The following EXOC6B variants were observed in gnomAD, a reference collection of about 807,000 sequenced individuals.
EXOC6B encodes the protein exocyst complex component 6B.
In EXOC6B, 54 loss-of-function variants were observed where a neutral mutation model predicts 113.5. The observed-to-expected ratio is 0.48, with a 90% CI of 0.38 to 0.60. EXOC6B has a LOEUF of 0.60. EXOC6B is among the 20% of genes least tolerant of loss of function. The probability of loss-of-function intolerance (pLI) is 0.00; values close to 1 mark genes in which losing one functional copy is unlikely to be tolerated. For missense variants in EXOC6B, 797 were observed against 977.5 expected (o/e 0.82, Z 2.46); for synonymous variants, 357 against 339.0 (o/e 1.05, Z -0.58).
chr2:72,179,366 A>G lies in EXOC6B; in HGVS notation c.2405T>C (p.Leu802Pro). The G allele has an allele frequency of 6.2e-7, 1 of 1,612,868 alleles. No homozygotes were observed. Among genetic ancestry groups the G allele is most frequent in the South Asian group, 1.1e-5 (1 of 90,886 alleles). Residue 802 changes from leucine (L) to proline (P), a missense_variant, in exon 22 of 22, where the codon CTC becomes CCC. Transcript: ENST00000272427. ...GTGGTGGCTGCTGATGAGTCCTCGG[A>G]GCTGCTTGGCCACGGTGTCAATGAG... ...QKLIDTVAKQLRGLISSHHS is the reference protein window; with the variant it reads ...QKLIDTVAKQPRGLISSHHS
At chr2:72,282,824 C>G (rs1685210413) in intron 20 of EXOC6B, among the ~76,000 whole-genome samples, 1 of 152,044 alleles carries the variant, frequency 6.6e-6, no homozygotes, top group Non-Finnish European at 1.5e-5. Flanking sequence ...AAAGGAATAT[C>G]ACAATGTTAA....
At chr2:72,808,125 T>C (rs1317116955) in intron 1 of EXOC6B, among the ~76,000 whole-genome samples, 4 of 151,898 alleles carry the variant, frequency 2.6e-5, no homozygotes, top group African/African-American at 7.3e-5. Context: ...AGAAATGATT[T>C]AACAACAACA....
At chr2:72,612,485 C>T (rs897158376) in intron 6 of EXOC6B, among the ~76,000 whole-genome samples, 5 of 151,580 alleles carry the variant, frequency 3.3e-5, no homozygotes, top group East Asian at 3.9e-4. Context: ...AGTGGCAGTG[C>T]GCTTAAGTAA....
chr2:72,710,669 T>TA (rs1452242588), intron 6 of EXOC6B, among the ~76,000 whole-genome samples: 1 of 152,200 alleles, frequency 6.6e-6, no homozygotes, highest in Non-Finnish European at 1.5e-5. Flanking sequence ...ATACATGGTC[T>TA]ATGTGAACTC....
At chr2:72,306,047 G>A (rs1686835131) in intron 20 of EXOC6B, among the ~76,000 whole-genome samples, 1 of 152,016 alleles carries the variant, frequency 6.6e-6, no homozygotes, top group African/African-American at 2.4e-5. Flanking sequence ...TTTCCTTCTT[G>A]GGGAGAGCAG....
chr2:72,229,923 A>G (rs1247742374), intron 20 of EXOC6B, among the ~76,000 whole-genome samples: 1 of 152,170 alleles, frequency 6.6e-6, no homozygotes, highest in African/African-American at 2.4e-5. Flanking sequence ...TCTGACAGGT[A>G]TTCCCATCTC....
intron 18 of EXOC6B, among the ~76,000 whole-genome samples, chr2:72,384,689 A>C (rs974361455): frequency 2.0e-5 from 3 of 152,130 alleles, no homozygotes; most frequent in African/African-American, 7.2e-5. Flanking sequence ...CAAAATAAAC[A>C]TGCAAATATC....
intron 8 of EXOC6B, among the ~76,000 whole-genome samples, chr2:72,517,349 C>T (rs1008323203): frequency 1.8e-4 from 27 of 152,036 alleles, no homozygotes; most frequent in African/African-American, 6.5e-4. Context: ...AGGCAACAGG[C>T]TGGATTTGGT....
chr2:72,621,980 T>C (rs1573502843), intron 6 of EXOC6B, among the ~76,000 whole-genome samples: 1 of 152,026 alleles, frequency 6.6e-6, no homozygotes, highest in East Asian at 1.9e-4. Context: ...AATTAAGATG[T>C]TTATACATTA....
chr2:72,287,997 G>A (rs1002649483), intron 20 of EXOC6B, among the ~76,000 whole-genome samples: 25 of 151,976 alleles, frequency 1.6e-4, no homozygotes, highest in African/African-American at 5.8e-4. Context: ...TTTATGCAAG[G>A]AAATCCAATA....
chr2:72,190,457 T>C (rs1485619065), intron 20 of EXOC6B, among the ~76,000 whole-genome samples: 4 of 152,206 alleles, frequency 2.6e-5, no homozygotes, highest in African/African-American at 9.7e-5. Context: ...TTTTGGGGTA[T>C]GTGAAACAAT....
At chr2:72,821,311 A>T (rs1686568156) in intron 1 of EXOC6B, among the ~76,000 whole-genome samples, 1 of 152,180 alleles carries the variant, frequency 6.6e-6, no homozygotes, top group African/African-American at 2.4e-5. Context: ...AAAGTAAAAA[A>T]GATGATAACA....
At chr2:72,498,982 TTA>T (rs1700186294) in intron 12 of EXOC6B, among the ~76,000 whole-genome samples, 1 of 152,086 alleles carries the variant, frequency 6.6e-6, no homozygotes. Flanking sequence ...AAGATGGTAG[TTA>T]AAGAAACTGC....
At chr2:72,762,499 T>C (rs1682800056) in intron 1 of EXOC6B, among the ~76,000 whole-genome samples, 1 of 150,808 alleles carries the variant, frequency 6.6e-6, no homozygotes, top group Non-Finnish European at 1.5e-5. Context: ...ATCCAAATTA[T>C]ATAAAGAAGA....
At chr2:72,705,926 T>C (rs1678839598) in intron 6 of EXOC6B, among the ~76,000 whole-genome samples, 1 of 152,220 alleles carries the variant, frequency 6.6e-6, no homozygotes, top group Non-Finnish European at 1.5e-5. Flanking sequence ...TTTATGGCAG[T>C]CCTCATTACC....
chr2:72,818,598 T>C lies in EXOC6B; in HGVS notation c.113+7200A>G, dbSNP rs142873002. On this transcript the variant is annotated intron_variant, in intron 1 of 21. Transcript: ENST00000272427. ...GCATGAGCCACTGTACCTGGCCACA[T>C]TCCTTGTTTAATCTAAGTGACCACA... Among the ~76,000 whole-genome samples, 351 of 152,262 alleles carry C rather than the reference T, an allele frequency of 2.3e-3. 2 individuals carry two copies. The highest frequency in any genetic ancestry group is 7.3e-3 in the African/African-American group (305 of 41,578).
chr2:72,519,885 G>T lies in EXOC6B; in HGVS notation c.916-4759C>A, dbSNP rs148104411. On this transcript the variant is annotated intron_variant, in intron 8 of 21. Coordinates refer to ENST00000272427, the MANE Select transcript of EXOC6B (RefSeq NM_015189.3). ...CCTTAGAGAAAGGGCTCTAAGAAATGCTTGTAGAATTAAAGTACAAAAGAA... is the reference window on the plus strand; with the variant it reads ...CCTTAGAGAAAGGGCTCTAAGAAATTCTTGTAGAATTAAAGTACAAAAGAA... Among the ~76,000 whole-genome samples, 604 of 152,258 alleles carry T rather than the reference G, an allele frequency of 4.0e-3. 2 individuals are homozygous for T. The highest frequency in any genetic ancestry group is 0.013 in the African/African-American group (555 of 41,570).
At chr2:72,419,171 C>G (rs1694712781) in intron 18 of EXOC6B, among the ~76,000 whole-genome samples, 1 of 152,012 alleles carries the variant, frequency 6.6e-6, no homozygotes, top group Non-Finnish European at 1.5e-5. Context: ...GTCTGAAAAA[C>G]TAGATGAATA....
At chr2:72,508,667 G>A (rs2105643320) in intron 11 of EXOC6B, among the ~76,000 whole-genome samples, 1 of 152,154 alleles carries the variant, frequency 6.6e-6, no homozygotes, top group Admixed American at 6.5e-5. Context: ...CCAGCTACTT[G>A]GGAGGCTGAG....
Sources: allele counts gnomAD v4.1 joint callset (sites outside exome capture counted in the v4.1 genomes callset), GRCh38; gene constraint gnomAD v4.1.1; transcripts MANE v1.5; gene names NCBI Gene and HGNC (gene_info 2026-07-23, HGNC 2026-07-21).